ERCC8: variants seen among roughly 807,000 people sequenced by gnomAD.
ERCC8 encodes the protein ERCC excision repair 8, CSA ubiquitin ligase complex subunit, also known as DNA excision repair protein ERCC-8.
In ERCC8, 52 loss-of-function variants were observed where a neutral mutation model predicts 54.9. That is an observed-to-expected ratio of 0.95 (90% CI 0.76 to 1.19). ERCC8 has a LOEUF of 1.19. Among genes scored for constraint, ERCC8 ranks in the 50% most tolerant of loss-of-function variants. ERCC8 has a pLI of 0.00. For synonymous variants in ERCC8, 146 were observed against 157.2 expected, an observed-to-expected ratio of 0.93 and a Z score of 0.53; for missense variants, 514 against 466.1, an observed-to-expected ratio of 1.10 and a Z score of -0.95.
chr5:60,914,817 G>A (rs957282434), intron 4 of ERCC8, among the ~76,000 whole-genome samples: 4 of 143,598 alleles, frequency 2.8e-5, no homozygotes, highest in African/African-American at 5.1e-5. Context: ...AAAGGATATT[G>A]ACTTTTATTT....
In ERCC8 at chr5:60,879,925, T is replaced by C. The variant is rs1748151946; in HGVS notation, c.1123-5242A>G. ...CTGTCATGATGACATTAGCTGGTTA[T>C]TTTGCTCGTTAGTTGATGCAGTTTC... On this transcript the variant is annotated intron_variant, in intron 11 of 11. Transcript: ENST00000676185. Among the ~76,000 whole-genome samples, 2 of 152,204 alleles carry C rather than the reference T, an allele frequency of 1.3e-5. 1 individual carries two copies. Among genetic ancestry groups the C allele is most frequent in the South Asian group, 4.1e-4 (2 of 4,832 alleles).
intron 8 of ERCC8, among the ~76,000 whole-genome samples, 174 bp from the exon 9 acceptor site, chr5:60,898,574 A>C (rs1249188144): frequency 6.6e-6 from 1 of 152,094 alleles, no homozygotes; most frequent in Non-Finnish European, 1.5e-5. Flanking sequence ...TATATAAATC[A>C]GAACCATAAA....
At chr5:60,891,663 T>TA (rs1491286908) in intron 9 of ERCC8, among the ~76,000 whole-genome samples, 3 of 46,758 alleles carry the variant, frequency 6.4e-5, no homozygotes, top group Non-Finnish European at 1.3e-4. Context: ...GGGCATATTC[T>TA]TTTTTTTTTT....
chr5:60,879,255 C>G (rs890430026), intron 11 of ERCC8, among the ~76,000 whole-genome samples: 6 of 152,282 alleles, frequency 3.9e-5, no homozygotes, highest in African/African-American at 1.2e-4. Context: ...AATTTCTGTT[C>G]TTTTACATTT....
chr5:60,918,538 G>A (rs1749508787), intron 3 of ERCC8, 150 bp from the exon 4 acceptor site: 1 of 671,964 alleles, frequency 1.5e-6, no homozygotes, highest in African/African-American at 1.8e-5. Context: ...TAGAAGGCGA[G>A]AAAGAATGTC....
chr5:60,914,823 T>C (rs1464467527), intron 4 of ERCC8, among the ~76,000 whole-genome samples: 1 of 151,720 alleles, frequency 6.6e-6, no homozygotes, highest in Non-Finnish European at 1.5e-5. Flanking sequence ...TATTGACTTT[T>C]ATTTCAAAAT....
At chr5:60,936,329 T>C (rs532551982) in intron 1 of ERCC8, among the ~76,000 whole-genome samples, 1 of 152,212 alleles carries the variant, frequency 6.6e-6, no homozygotes, top group Non-Finnish European at 1.5e-5. Flanking sequence ...TAGCCTTGAA[T>C]GATCTTTTGT....
At chr5:60,919,471 A>G (rs1749538831) in intron 3 of ERCC8, 1 of 152,046 alleles carries the variant, frequency 6.6e-6, no homozygotes, top group South Asian at 2.1e-4. Flanking sequence ...ACCTTAAAAC[A>G]TTTGTGGTGC....
intron 2 of ERCC8, among the ~76,000 whole-genome samples, chr5:60,925,946 C>A (rs1749735734): frequency 6.6e-6 from 1 of 152,152 alleles, no homozygotes; most frequent in Admixed American, 6.5e-5. Flanking sequence ...GCCTCAGCCT[C>A]CAGAGTAGCT....
intron 9 of ERCC8, among the ~76,000 whole-genome samples, chr5:60,895,109 G>A (rs1209105206): frequency 6.7e-6 from 1 of 148,888 alleles, no homozygotes. Flanking sequence ...GGTGGAGGCT[G>A]CAGTGAGCCA....
chr5:60,916,700 G>A (rs1439282829), intron 4 of ERCC8, among the ~76,000 whole-genome samples: 1 of 151,922 alleles, frequency 6.6e-6, no homozygotes, highest in African/African-American at 2.4e-5. Flanking sequence ...CATCTATTTA[G>A]TTTGAATTAT....
At chr5:60,909,974 A>T (rs990878495) in intron 4 of ERCC8, 4 of 150,750 alleles carry the variant, frequency 2.7e-5, no homozygotes, top group South Asian at 2.1e-4. Flanking sequence ...AAAAAAAAAA[A>T]TAATAATAAT....
rs74357920 is a variant in ERCC8, at chr5:60,869,555, T to C, written c.*5060A>G. On this transcript the variant is annotated 3_prime_UTR_variant, in exon 12 of 12. Transcript: ENST00000676185. The stretch of plus-strand genomic sequence containing the variant: ...TTAAAATCTATTTTAAATGGGGCTT[T>C]TTAGTATAAACTGGACACAAGGAAC... Among the ~76,000 whole-genome samples, 1,647 of 152,288 alleles carry C rather than the reference T, an allele frequency of 0.011. 12 individuals carry two copies. Among genetic ancestry groups the C allele is most frequent in the Middle Eastern group, 0.024 (7 of 294 alleles).
chr5:60,921,995 G>A (rs556597415), intron 3 of ERCC8, 59 bp downstream of exon 3: 5 of 1,185,246 alleles, frequency 4.2e-6, no homozygotes, highest in South Asian at 2.5e-5. Context: ...TTTTGCATTC[G>A]ATGCAAAAAA....
At chr5:60,906,780 A>G (rs893880870) in intron 4 of ERCC8, among the ~76,000 whole-genome samples, 1 of 151,852 alleles carries the variant, frequency 6.6e-6, no homozygotes, top group Non-Finnish European at 1.5e-5. Flanking sequence ...TACATAAAAT[A>G]AAAAAAATAG....
chr5:60,905,609 T>C (rs1438181579), intron 4 of ERCC8, among the ~76,000 whole-genome samples: 1 of 152,230 alleles, frequency 6.6e-6, no homozygotes, highest in Non-Finnish European at 1.5e-5. Context: ...TTTTAGGCTT[T>C]CAGGACCAAC....
intron 1 of ERCC8, among the ~76,000 whole-genome samples, chr5:60,940,611 C>T (rs746720196): frequency 5.3e-5 from 8 of 152,142 alleles, no homozygotes; most frequent in Non-Finnish European, 1.0e-4. Flanking sequence ...CTGAGTGAGG[C>T]ATGCATAGAT....
At chr5:60,896,692 A>C (rs533936236) in intron 9 of ERCC8, among the ~76,000 whole-genome samples, 2 of 152,268 alleles carry the variant, frequency 1.3e-5, no homozygotes, top group Admixed American at 1.3e-4. Flanking sequence ...AATTACTTTT[A>C]CTTTGATCAA....
intron 4 of ERCC8, among the ~76,000 whole-genome samples, chr5:60,908,583 A>ATATATATTTTTT (rs527918086): frequency 2.8e-5 from 4 of 141,892 alleles, no homozygotes; most frequent in African/African-American, 1.0e-4. Flanking sequence ...ATATATATAT[A>ATATATATTTTTT]TTTTTTTTTT....
Sources: gnomAD v4.1 joint callset for allele counts (sites outside exome capture counted in the v4.1 genomes callset) on GRCh38, gnomAD v4.1.1 for gene constraint, MANE v1.5 for transcripts, NCBI Gene and HGNC (gene_info 2026-07-23, HGNC 2026-07-21) for gene names.